SLC25A40: variants seen among roughly 807,000 people sequenced by gnomAD.
The protein encoded by SLC25A40 is mitochondrial glutathione transporter SLC25A40.
A neutral mutation model predicts 46.5 loss-of-function variants in SLC25A40; 41 were observed. The observed-to-expected ratio is 0.88, with a 90% confidence interval of 0.69 to 1.14. The LOEUF (loss-of-function observed/expected upper bound fraction) is 1.14, where lower values mean the gene tolerates loss of function less well. Ranked by LOEUF, SLC25A40 falls within the 50% of genes most tolerant of loss-of-function variation. The probability of loss-of-function intolerance (pLI) is 0.00; values close to 1 mark genes in which losing one functional copy is unlikely to be tolerated. For synonymous variants in SLC25A40, 126 were observed against 127.5 expected (o/e 0.99, Z 0.08); for missense variants, 386 against 393.6 (o/e 0.98, Z 0.16).
chr7:87,856,194 A>G (rs937084602), intron 4 of SLC25A40, 98 bp downstream of exon 4: 1 of 1,107,222 alleles, frequency 9.0e-7, no homozygotes, highest in African/African-American at 1.6e-5. Flanking sequence ...AGAGGCATCA[A>G]TTTTAATAAA....
intron 1 of SLC25A40, among the ~76,000 whole-genome samples, chr7:87,862,348 T>C (rs1838719091): frequency 6.6e-6 from 1 of 152,190 alleles, no homozygotes; most frequent in South Asian, 2.1e-4. Context: ...AATTCCTCTT[T>C]TCTATACCTT....
intron 3 of SLC25A40, among the ~76,000 whole-genome samples, chr7:87,857,660 T>G (rs1838635110): frequency 6.6e-6 from 1 of 152,224 alleles, no homozygotes; most frequent in Admixed American, 6.5e-5. Context: ...TTTAATCTCT[T>G]AATCCTGTTA....
At chr7:87,837,717 A>G (rs1048414750) in intron 10 of SLC25A40, among the ~76,000 whole-genome samples, 1 of 151,250 alleles carries the variant, frequency 6.6e-6, no homozygotes, top group Non-Finnish European at 1.5e-5. Context: ...ATAAGATTAA[A>G]AAAAAGAATT....
intron 1 of SLC25A40, among the ~76,000 whole-genome samples, chr7:87,871,028 C>T (rs1265619548): frequency 6.6e-6 from 1 of 152,176 alleles, no homozygotes; most frequent in Non-Finnish European, 1.5e-5. Context: ...ACAGGCATCC[C>T]TCTCCTAGAT....
chr7:87,868,503 C>T (rs1299044104), intron 1 of SLC25A40, among the ~76,000 whole-genome samples: 1 of 152,194 alleles, frequency 6.6e-6, no homozygotes, highest in Non-Finnish European at 1.5e-5. Flanking sequence ...AGTCAGAAGT[C>T]CATGCCTCCA....
Position 87,869,056 on chromosome 7 carries a change from T to C in SLC25A40, c.-94+7040A>G, listed in dbSNP as rs765590854. ...TGAAAGCCAAATATATATTTCACAA[T>C]ATCAGACCATCTGCTTAGAGTTTTT... On this transcript the variant is annotated intron_variant, in intron 1 of 11. Coordinates refer to ENST00000341119, the MANE Select transcript of SLC25A40 (RefSeq NM_018843.4). 4.6e-5 allele frequency among the ~76,000 whole-genome samples: 7 copies of C among 152,204 alleles called. No individual in the cohort carries two copies. In the South Asian group the frequency reaches 8.3e-4, roughly 18 times the overall value.
rs1241218561 is a variant in SLC25A40, at chr7:87,858,965, AG to A, written c.-24-215del. 6.6e-5 allele frequency among the ~76,000 whole-genome samples: 10 copies of A among 152,296 alleles called. No homozygotes were observed. In the East Asian group the frequency reaches 1.9e-3, roughly 29 times the overall value. ...ACTACTAAAAAAACCTCCCCAATAG[AG>A]TACAGAGGTATCAGCAAATACAGCC... On this transcript the variant is annotated intron_variant, in intron 2 of 11. Coordinates refer to ENST00000341119, the MANE Select transcript of SLC25A40 (RefSeq NM_018843.4).
At chr7:87,865,052 T>A (rs755806898) in intron 1 of SLC25A40, among the ~76,000 whole-genome samples, 13 of 151,634 alleles carry the variant, frequency 8.6e-5, no homozygotes, top group Admixed American at 2.6e-4. Flanking sequence ...TCACAGCTAA[T>A]TGCAACCTCA....
intron 5 of SLC25A40, among the ~76,000 whole-genome samples, 181 bp from the exon 6 acceptor site, chr7:87,850,129 A>C (rs1044785762): frequency 6.6e-6 from 1 of 152,202 alleles, no homozygotes. Flanking sequence ...AAAATGAAGC[A>C]TTTCTGGATG....
chr7:87,869,569 C>G (rs189101240), intron 1 of SLC25A40, among the ~76,000 whole-genome samples: 1 of 151,952 alleles, frequency 6.6e-6, no homozygotes, highest in Non-Finnish European at 1.5e-5. Context: ...AAACCTCTCC[C>G]CTTTATTCTA....
chr7:87,875,475 G>A (rs1054617590), intron 1 of SLC25A40, among the ~76,000 whole-genome samples: 7 of 151,922 alleles, frequency 4.6e-5, no homozygotes, highest in African/African-American at 1.5e-4. Context: ...ACCACTACAG[G>A]AGTGCCTATT....
intron 3 of SLC25A40, among the ~76,000 whole-genome samples, chr7:87,858,410 C>T (rs1838647137): frequency 6.6e-6 from 1 of 152,172 alleles, no homozygotes; most frequent in African/African-American, 2.4e-5. Flanking sequence ...ATAAAACTTG[C>T]TAGTTTTGCA....
chr7:87,835,906 T>A lies in SLC25A40; in HGVS notation c.*343A>T, dbSNP rs1056317636. 1 of 183,630 alleles carries A rather than the reference T, an allele frequency of 5.4e-6. No individual in the cohort carries two copies. The highest frequency in any genetic ancestry group is 2.4e-5 in the African/African-American group (1 of 41,798). The allele number at this position is 183,630 out of a possible 1,614,324, so 11.4% of individuals were successfully genotyped here. A position where few individuals can be genotyped will look rare whatever the true frequency, so the allele number is the denominator to read the frequency against. On this transcript the variant is annotated 3_prime_UTR_variant, in exon 12 of 12. Coordinates refer to ENST00000341119, the MANE Select transcript of SLC25A40 (RefSeq NM_018843.4). ...CTATGTACATCATTCAGCACACAATTCAAAAAGTTCTGGTGTATTCAACAC... is the reference window on the plus strand; with the variant it reads ...CTATGTACATCATTCAGCACACAATACAAAAAGTTCTGGTGTATTCAACAC...
Position 87,835,333 on chromosome 7 carries a change from G to GT in SLC25A40, c.*915dup, listed in dbSNP as rs1172161004. 2.6e-5 allele frequency: 4 copies of GT among 151,534 alleles called. No homozygotes were observed. The highest frequency in any genetic ancestry group is 4.4e-5 in the Non-Finnish European group (3 of 67,690). The allele number at this position is 151,534 out of a possible 1,614,324, so 9.4% of individuals were successfully genotyped here. ...TCAAAGGATATTTTAGAAATATCTT[G>GT]TAACTATTGTTGTAGCAATAATCTG... is the stretch of plus-strand genomic sequence containing the variant. On this transcript the variant is annotated 3_prime_UTR_variant, in exon 12 of 12. Transcript: ENST00000341119.
At chr7:87,859,583 C>A (rs1012306601) in intron 2 of SLC25A40, among the ~76,000 whole-genome samples, 1 of 152,100 alleles carries the variant, frequency 6.6e-6, no homozygotes, top group Non-Finnish European at 1.5e-5. Context: ...AACACACGTA[C>A]ACTTATGTGT....
intron 10 of SLC25A40, among the ~76,000 whole-genome samples, chr7:87,839,123 C>T (rs1218111143): frequency 1.3e-5 from 2 of 151,440 alleles, no homozygotes. Flanking sequence ...CAAAATAATA[C>T]TCTTACCATC....
At chr7:87,873,667 G>A (rs973647993) in intron 1 of SLC25A40, among the ~76,000 whole-genome samples, 3 of 151,900 alleles carry the variant, frequency 2.0e-5, no homozygotes, top group Non-Finnish European at 2.9e-5. Context: ...TTCTGACCTC[G>A]TGATCCGCCA....
At position 87,844,683 on chromosome 7, in the gene SLC25A40, A is replaced by T. The variant is rs902315089; in HGVS notation, c.632-820T>A. On this transcript the variant is annotated intron_variant, in intron 8 of 11. Coordinates refer to ENST00000341119, the MANE Select transcript of SLC25A40 (RefSeq NM_018843.4). ...AAAGCAGAATTTATAACAGAATGTT[A>T]AAACATAGCTGGATACAAGCTAATA... Among the ~76,000 whole-genome samples the T allele has an allele frequency of 5.3e-5, 8 of 152,140 alleles. No homozygotes were observed. In the East Asian group the frequency reaches 1.5e-3, roughly 29 times the overall value.
chr7:87,861,036 A>C (rs1838690516), intron 1 of SLC25A40, among the ~76,000 whole-genome samples: 1 of 152,140 alleles, frequency 6.6e-6, no homozygotes, highest in Non-Finnish European at 1.5e-5. Context: ...TTTAATCTGA[A>C]TCGAAACAAT....
Sources: gnomAD v4.1 joint callset for allele counts (sites outside exome capture counted in the v4.1 genomes callset) on GRCh38, gnomAD v4.1.1 for gene constraint, MANE v1.5 for transcripts, NCBI Gene and HGNC (gene_info 2026-07-23, HGNC 2026-07-21) for gene names.